GRIK2: variants seen among roughly 807,000 people sequenced by gnomAD.
The protein encoded by GRIK2 is glutamate ionotropic receptor kainate type subunit 2.
In GRIK2, 32 loss-of-function variants were observed where a neutral mutation model predicts 100.3. That is an observed-to-expected ratio of 0.32 (90% CI 0.24 to 0.43). GRIK2 has a LOEUF of 0.43. Among genes scored for constraint, GRIK2 ranks in the 20% least tolerant of loss-of-function variants. GRIK2 has a pLI of 1.00. For synonymous variants in GRIK2, 417 were observed against 389.4 expected (o/e 1.07, Z -0.83); for missense variants, 843 against 1,114.9 (o/e 0.76, Z 3.47).
chr6:101,630,992 C>A (rs1294801711), intron 4 of GRIK2, among the ~76,000 whole-genome samples: 1 of 151,880 alleles, frequency 6.6e-6, no homozygotes, highest in Non-Finnish European at 1.5e-5. Flanking sequence ...GTTCCCACCC[C>A]CAAAACAGAT....
At chr6:101,962,791 A>G (rs114171853) in intron 14 of GRIK2, among the ~76,000 whole-genome samples, 2,266 of 152,238 alleles carry the variant, frequency 0.015, 59 homozygotes, top group African/African-American at 0.052. Flanking sequence ...TGATCTCAAT[A>G]TAACTATAAA....
chr6:101,848,337 G>A (rs1387822816), intron 10 of GRIK2, among the ~76,000 whole-genome samples: 1 of 151,956 alleles, frequency 6.6e-6, no homozygotes, highest in African/African-American at 2.4e-5. Flanking sequence ...TGCTTCTATG[G>A]CTGCTTTCAC....
chr6:101,897,822 G>A (rs1298807998), intron 12 of GRIK2, among the ~76,000 whole-genome samples: 2 of 151,728 alleles, frequency 1.3e-5, no homozygotes, highest in African/African-American at 4.8e-5. Context: ...GAGAAATGTA[G>A]AAAAATAGGT....
At chr6:101,446,311 TG>T (rs1770373130) in intron 2 of GRIK2, among the ~76,000 whole-genome samples, 1 of 151,980 alleles carries the variant, frequency 6.6e-6, no homozygotes, top group African/African-American at 2.4e-5. Context: ...AGTGAGTTTA[TG>T]GGTTATTCAC....
intron 2 of GRIK2, among the ~76,000 whole-genome samples, chr6:101,576,025 T>G (rs1455827783): frequency 6.6e-6 from 1 of 152,006 alleles, no homozygotes; most frequent in Non-Finnish European, 1.5e-5. Flanking sequence ...TTTGTGTATT[T>G]AATAGGGCAT....
intron 6 of GRIK2, among the ~76,000 whole-genome samples, chr6:101,683,059 C>T (rs1318915881): frequency 3.3e-5 from 5 of 151,950 alleles, no homozygotes; most frequent in East Asian, 1.9e-4. Flanking sequence ...AAAAATTAGC[C>T]GGGCATGGTG....
chr6:101,547,264 C>T (rs1198622429), intron 2 of GRIK2, among the ~76,000 whole-genome samples: 11 of 152,286 alleles, frequency 7.2e-5, no homozygotes, highest in South Asian at 2.1e-4. Flanking sequence ...AATTATCCTA[C>T]GCAAATTGCG....
chr6:101,928,086 T>A (rs1286382627), intron 13 of GRIK2: 2 of 248,338 alleles, frequency 8.1e-6, no homozygotes, highest in Non-Finnish European at 1.6e-5. Context: ...ATGTGGTTTA[T>A]AAACCAGAAA....
At chr6:101,669,212 T>C (rs1383295007) in intron 4 of GRIK2, among the ~76,000 whole-genome samples, 2 of 152,180 alleles carry the variant, frequency 1.3e-5, no homozygotes, top group East Asian at 3.9e-4. Flanking sequence ...TAAAAGGCTG[T>C]TTTAAGGAGT....
At position 101,629,671 on chromosome 6, in the gene GRIK2, A is replaced by G. The variant is rs187735562; in HGVS notation, c.541+3034A>G. Among the ~76,000 whole-genome samples the G allele has an allele frequency of 3.9e-5, 6 of 152,200 alleles. No individual in the cohort carries two copies. In the East Asian group the frequency reaches 9.6e-4, roughly 24 times the overall value. ...AAATGTATTTATAAATATATAGTAG[A>G]CTTTTTGTCTTTTTGTTTATGTGTC... On this transcript the variant is annotated intron_variant, in intron 4 of 16. Transcript: ENST00000369134.
chr6:101,613,086 C>T (rs1029396524), intron 2 of GRIK2, among the ~76,000 whole-genome samples: 9 of 151,644 alleles, frequency 5.9e-5, no homozygotes, highest in Non-Finnish European at 8.8e-5. Flanking sequence ...TGCAAGTATC[C>T]ATGAAAAATC....
chr6:101,443,898 T>G (rs1770222620), intron 2 of GRIK2, among the ~76,000 whole-genome samples: 1 of 151,962 alleles, frequency 6.6e-6, no homozygotes, highest in South Asian at 2.1e-4. Context: ...TTTTTTATTT[T>G]TTTCAAGATG....
intron 10 of GRIK2, among the ~76,000 whole-genome samples, chr6:101,841,094 C>T (rs1783469214): frequency 6.6e-6 from 1 of 151,520 alleles, no homozygotes; most frequent in East Asian, 1.9e-4. Flanking sequence ...AAGTATGATA[C>T]TCCCTGACCT....
At chr6:101,829,994 G>A (rs1028065189) in intron 10 of GRIK2, among the ~76,000 whole-genome samples, 3 of 151,972 alleles carry the variant, frequency 2.0e-5, no homozygotes, top group South Asian at 2.1e-4. Flanking sequence ...AAAGAGAAAA[G>A]CCAGAGGCAT....
intron 2 of GRIK2, among the ~76,000 whole-genome samples, chr6:101,583,718 G>C (rs1778213604): frequency 6.6e-6 from 1 of 152,072 alleles, no homozygotes; most frequent in Non-Finnish European, 1.5e-5. Context: ...GCTGGGGACA[G>C]AAAAAAACTT....
chr6:102,042,922 T>G (rs1421329304), intron 15 of GRIK2, among the ~76,000 whole-genome samples: 1 of 151,686 alleles, frequency 6.6e-6, no homozygotes, highest in African/African-American at 2.4e-5. Context: ...CCAGTAAAAA[T>G]AGTTGGCTGT....
intron 11 of GRIK2, among the ~76,000 whole-genome samples, chr6:101,877,773 C>A (rs1023601780): frequency 6.6e-6 from 1 of 151,772 alleles, no homozygotes; most frequent in Non-Finnish European, 1.5e-5. Flanking sequence ...TTGTTGAGCT[C>A]TATTTTTCAA....
intron 14 of GRIK2, among the ~76,000 whole-genome samples, chr6:101,943,588 A>G (rs888821648): frequency 2.2e-4 from 33 of 152,342 alleles, no homozygotes; most frequent in Admixed American, 2.6e-4. Context: ...TTGCATCAGC[A>G]TACCCTGTAT....
intron 15 of GRIK2, among the ~76,000 whole-genome samples, chr6:102,041,205 G>A (rs781559016): frequency 7.3e-5 from 11 of 151,536 alleles, no homozygotes; most frequent in Non-Finnish European, 1.0e-4. Flanking sequence ...GTGAACAGCC[G>A]TGATTAATAT....
Sources: allele counts gnomAD v4.1 joint callset (sites outside exome capture counted in the v4.1 genomes callset), GRCh38; gene constraint gnomAD v4.1.1; transcripts MANE v1.5; gene names NCBI Gene and HGNC (gene_info 2026-07-23, HGNC 2026-07-21).